Variants in MPHOSPH8 observed in about 807,000 individuals in gnomAD.
MPHOSPH8 encodes the protein M-phase phosphoprotein 8.
In MPHOSPH8, 45 loss-of-function variants were observed where a neutral mutation model predicts 87.3. The ratio of observed to expected loss-of-function variants is 0.52; its 90% confidence interval spans 0.41 to 0.66. MPHOSPH8 has a LOEUF of 0.66. Ranked by LOEUF, MPHOSPH8 falls within the 30% of genes least tolerant of loss-of-function variation. The probability of loss-of-function intolerance (pLI) is 0.00; values close to 1 mark genes in which losing one functional copy is unlikely to be tolerated. For missense variants in MPHOSPH8, 883 were observed against 1,020.2 expected (o/e 0.87, Z 1.83); for synonymous variants, 366 against 376.9 (o/e 0.97, Z 0.33).
chr13:19,642,374 C>T (rs371145255), intron 2 of MPHOSPH8, 104 bp downstream of exon 2: 21 of 992,642 alleles, frequency 2.1e-5, no homozygotes, highest in Middle Eastern at 2.7e-4. Context: ...CAAAGTGTAC[C>T]GTATTCTTTA....
In MPHOSPH8 at chr13:19,636,997, A is replaced by G. The variant is rs142217142; in HGVS notation, c.213+3036A>G. On this transcript the variant is annotated intron_variant, in intron 1 of 13. Coordinates refer to ENST00000361479, the MANE Select transcript of MPHOSPH8 (RefSeq NM_017520.4). ...ACCCTGGACAATTTTTTGGATTTAC[A>G]TGACTCCATACAAAGACGTGGAATT... Among the ~76,000 whole-genome samples, 89 of 152,308 alleles carry G rather than the reference A, an allele frequency of 5.8e-4. 1 individual carries two copies. In the East Asian group the frequency reaches 0.015, roughly 26 times the overall value.
intron 11 of MPHOSPH8, 150 bp from the exon 12 acceptor site, chr13:19,670,086 A>AGG (rs2137546223): frequency 1.2e-6 from 1 of 857,038 alleles, no homozygotes; most frequent in African/African-American, 1.7e-5. Flanking sequence ...GAGCTTTGAG[A>AGG]GGGCCAGCCT....
intron 1 of MPHOSPH8, 51 bp downstream of exon 1, chr13:19,634,012 C>T (rs759251611): frequency 1.9e-6 from 3 of 1,559,122 alleles, no homozygotes; most frequent in Non-Finnish European, 8.7e-7. Context: ...CCGGGCCTGG[C>T]GGGGAGGACG....
intron 12 of MPHOSPH8, 168 bp from the exon 13 acceptor site, chr13:19,671,036 GTC>G (rs1278428340): frequency 7.2e-7 from 1 of 1,388,636 alleles, no homozygotes; most frequent in African/African-American, 1.5e-5. Flanking sequence ...GGCCAGGCTG[GTC>G]TCAAACTTCT....
At chr13:19,671,787 G>T (rs1876143484) in intron 13 of MPHOSPH8, 47 bp from the exon 14 acceptor site, 2 of 1,584,820 alleles carry the variant, frequency 1.3e-6, no homozygotes, top group South Asian at 1.1e-5. Context: ...TGTAAGAAAG[G>T]GGAAATCTGG....
chr13:19,654,330 G>T (rs1457722504), intron 5 of MPHOSPH8, among the ~76,000 whole-genome samples: 1 of 152,156 alleles, frequency 6.6e-6, no homozygotes, highest in African/African-American at 2.4e-5. Context: ...GCCTGTCAGG[G>T]GGTAGGGGCT....
In MPHOSPH8 at chr13:19,659,127, A is replaced by G. The variant is rs747188868; in HGVS notation, c.1702+7A>G. 24 of 1,611,748 alleles carry G rather than the reference A, an allele frequency of 1.5e-5. No individual in the cohort carries two copies. Among genetic ancestry groups the G allele is most frequent in the Non-Finnish European group, 2.0e-5 (24 of 1,179,414 alleles). ...ACAGATGCAATTCCAAGTAGTGAGTAGTTTTGGAAATATTGAAATCCCTTT... is the reference window on the plus strand; with the variant it reads ...ACAGATGCAATTCCAAGTAGTGAGTGGTTTTGGAAATATTGAAATCCCTTT... On this transcript the variant is annotated splice_region_variant and intron_variant, in intron 6 of 13. Transcript: ENST00000361479.
intron 3 of MPHOSPH8, among the ~76,000 whole-genome samples, chr13:19,647,793 A>C (rs929753488): frequency 6.6e-6 from 1 of 152,190 alleles, no homozygotes; most frequent in Non-Finnish European, 1.5e-5. Context: ...GAGTATTTAT[A>C]TATGCAATAT....
At chr13:19,639,770 G>A (rs1229488567) in intron 1 of MPHOSPH8, among the ~76,000 whole-genome samples, 1 of 152,204 alleles carries the variant, frequency 6.6e-6, no homozygotes, top group Non-Finnish European at 1.5e-5. Context: ...AGTTACAGAT[G>A]CATTGCCAAA....
intron 5 of MPHOSPH8, among the ~76,000 whole-genome samples, chr13:19,655,056 C>T (rs796778882): frequency 4.3e-4 from 65 of 152,262 alleles, no homozygotes; most frequent in African/African-American, 1.5e-3. Flanking sequence ...AAAAAAATCT[C>T]ATGATCACGT....
At chr13:19,656,675 G>C (rs541749513) in intron 5 of MPHOSPH8, among the ~76,000 whole-genome samples, 1 of 151,932 alleles carries the variant, frequency 6.6e-6, no homozygotes, top group South Asian at 2.1e-4. Flanking sequence ...CAGGAGAATC[G>C]CTTCAACCGG....
intron 10 of MPHOSPH8, 91 bp from the exon 11 acceptor site, chr13:19,668,286 G>C: frequency 1.7e-6 from 2 of 1,159,696 alleles, no homozygotes; most frequent in South Asian, 3.0e-5. Flanking sequence ...TCTTTGTTTG[G>C]AAGGTTGGCC....
Position 19,633,801 on chromosome 13 carries a change from C to T in MPHOSPH8, c.53C>T (p.Ala18Val). Residue 18 changes from alanine (A) to valine (V), a missense_variant, in exon 1 of 14, where the codon GCC becomes GTC. Physicochemically the swap from Ala to Val is moderately conservative, Grantham distance 64. Coordinates refer to ENST00000361479, the MANE Select transcript of MPHOSPH8 (RefSeq NM_017520.4). Reference protein sequence around the residue: ...ARVTAVPVSAADSTEELAEVE... With the variant: ...ARVTAVPVSAVDSTEELAEVE... ...GTGACCGCAGTCCCTGTGTCAGCTG[C>T]CGACAGCACTGAGGAGTTGGCCGAA... 1.2e-6 allele frequency: 2 copies of T among 1,608,866 alleles called. No homozygotes were observed. Among genetic ancestry groups the T allele is most frequent in the Admixed American group, 1.7e-5 (1 of 59,176 alleles).
rs1876245781 is a variant in MPHOSPH8 at position 19,673,115 on chromosome 13, A to G, written c.*1240A>G. The stretch of plus-strand genomic sequence containing the variant: ...TTTTTTTTGTTTTTTTTTTTTGAAA[A>G]GCCAGACCTTGTGCCCTTGTTTTGA... On this transcript the variant is annotated 3_prime_UTR_variant, in exon 14 of 14. Transcript: ENST00000361479. The G allele has an allele frequency of 2.2e-6, 1 of 448,954 alleles. No individual in the cohort carries two copies. Among genetic ancestry groups the G allele is most frequent in the Non-Finnish European group, 4.4e-6 (1 of 225,244 alleles). 27.8% of individuals were successfully genotyped at this position (448,954 alleles called of 1,614,324 possible).
At chr13:19,636,755 G>A (rs7321125) in intron 1 of MPHOSPH8, among the ~76,000 whole-genome samples, 98,094 of 152,006 alleles carry the variant, frequency 0.65, 35,136 homozygotes, top group East Asian at 0.9. Flanking sequence ...GGATTTACAG[G>A]TGTGAGCCAC....
rs756737583 is a variant in MPHOSPH8, at chr13:19,633,748, G to A, written c.-1G>A. On this transcript the variant is annotated 5_prime_UTR_variant, in exon 1 of 14. Coordinates refer to ENST00000361479, the MANE Select transcript of MPHOSPH8 (RefSeq NM_017520.4). ...CCTCGGCGGTTTGCGGAGCTGCTAG[G>A]ATGGAGCAGGTTGCGGAGGGAGCAA... 6.3e-7 allele frequency: 1 copy of A among 1,589,754 alleles called. No individual in the cohort carries two copies. Among genetic ancestry groups the A allele is most frequent in the South Asian group, 1.1e-5 (1 of 87,532 alleles).
In MPHOSPH8 at chr13:19,650,206, G is replaced by A; in HGVS notation, c.1522G>A (p.Ala508Thr). Residue 508 changes from alanine (A) to threonine (T), a missense_variant, in exon 5 of 14, where the codon GCA (alanine) becomes ACA (threonine). Transcript: ENST00000361479. Reference protein sequence around the residue: ...DETDTWAYIAAEGDQEVLDSV... With the variant: ...DETDTWAYIATEGDQEVLDSV... ...AACGGATACTTGGGCATACATTGCT[G>A]CAGAAGGTGATCAGGAGGTTTTAGA... 6.2e-7 allele frequency: 1 copy of A among 1,614,178 alleles called. No homozygotes were observed. The highest frequency in any genetic ancestry group is 8.5e-7 in the Non-Finnish European group (1 of 1,180,026).
rs548656630 is a variant in MPHOSPH8, at chr13:19,641,695, C to T, written c.214-420C>T. 1.4e-4 allele frequency among the ~76,000 whole-genome samples: 22 copies of T among 152,064 alleles called. No individual in the cohort carries two copies. In the South Asian group the frequency reaches 2.5e-3, roughly 17 times the overall value. On this transcript the variant is annotated intron_variant, in intron 1 of 13. Transcript: ENST00000361479. ...TTTTTTAGTAGAGAAAAGGTTTCACCATGTTGGCCAGGCTGGTCTTCAACT... is the reference window on the plus strand; with the variant it reads ...TTTTTTAGTAGAGAAAAGGTTTCACTATGTTGGCCAGGCTGGTCTTCAACT...
Position 19,673,070 on chromosome 13 carries a change from TTTCTTGGAACCTATACGG to T in MPHOSPH8, c.*1198_*1215del, listed in dbSNP as rs1876230845. On this transcript the variant is annotated 3_prime_UTR_variant, in exon 14 of 14. Transcript: ENST00000361479. ...ACCTTGTCTCAAAAAAAAAAAAAAG[TTTCTTGGAACCTATACGG>T]TTTTTTTTTGTTTTTTTTTTTTGAA... 1 of 436,438 alleles carries T rather than the reference TTTCTTGGAACCTATACGG, an allele frequency of 2.3e-6. No individual in the cohort carries two copies. The highest frequency in any genetic ancestry group is 4.5e-6 in the Non-Finnish European group (1 of 222,286). The allele number at this position is 436,438 out of a possible 1,614,324, so 27.0% of individuals were successfully genotyped here. A position where few individuals can be genotyped will look rare whatever the true frequency, so the allele number is the denominator to read the frequency against.
Sources: gnomAD v4.1 joint callset for allele counts (sites outside exome capture counted in the v4.1 genomes callset) on GRCh38, gnomAD v4.1.1 for gene constraint, MANE v1.5 for transcripts, NCBI Gene and HGNC (gene_info 2026-07-23, HGNC 2026-07-21) for gene names.